AGTPBP1: variants seen among roughly 807,000 people sequenced by gnomAD.
AGTPBP1 encodes the protein ATP/GTP binding carboxypeptidase 1, also known as cytosolic carboxypeptidase 1.
AGTPBP1 carries 70 observed loss-of-function variants against 143.9 expected under a neutral mutation model. The observed-to-expected ratio is 0.49, with a 90% CI of 0.40 to 0.59. The LOEUF (loss-of-function observed/expected upper bound fraction) is 0.59. AGTPBP1 is among the 20% of genes least tolerant of loss of function. The pLI is 0.00. For missense variants in AGTPBP1, 1,229 were observed against 1,464.5 expected (o/e 0.84, Z 2.62); for synonymous variants, 463 against 500.2 (o/e 0.93, Z 0.99).
At chr9:85,641,104 C>T (rs552455528) in intron 13 of AGTPBP1, among the ~76,000 whole-genome samples, 13 of 152,200 alleles carry the variant, frequency 8.5e-5, no homozygotes, top group African/African-American at 3.1e-4. Context: ...CATCTGCTAC[C>T]AGATCAAAAA....
intron 11 of AGTPBP1, among the ~76,000 whole-genome samples, chr9:85,651,226 A>G (rs565584816): frequency 6.6e-6 from 1 of 152,240 alleles, no homozygotes; most frequent in South Asian, 2.1e-4. Context: ...CTATAATTTT[A>G]TATCAATTTT....
the AGTPBP1 span, among the ~76,000 whole-genome samples, chr9:85,758,932 C>T: frequency 1.3e-5 from 2 of 151,944 alleles, no homozygotes; most frequent in African/African-American, 4.8e-5. Flanking sequence ...GAAGATATAC[C>T]AAGCAAATGG....
At chr9:85,735,351 G>T (rs1167148107) in intron 1 of AGTPBP1, among the ~76,000 whole-genome samples, 7 of 152,146 alleles carry the variant, frequency 4.6e-5, no homozygotes. Context: ...ACAGAAAATA[G>T]AACAGTGCCT....
intron 3 of AGTPBP1, among the ~76,000 whole-genome samples, chr9:85,686,452 CCTAT>C (rs1431042083): frequency 6.6e-6 from 1 of 151,976 alleles, no homozygotes; most frequent in Non-Finnish European, 1.5e-5. Context: ...CTCTTATAGC[CCTAT>C]CTAAATGTGC....
At chr9:85,799,122 G>T in the AGTPBP1 span, among the ~76,000 whole-genome samples, 1 of 152,062 alleles carries the variant, frequency 6.6e-6, no homozygotes. Context: ...GAGAATGATG[G>T]TTTCCAGCTT....
At chr9:85,752,082 CA>C in the AGTPBP1 span, among the ~76,000 whole-genome samples, 1 of 151,742 alleles carries the variant, frequency 6.6e-6, no homozygotes, top group Non-Finnish European at 1.5e-5. Flanking sequence ...ATAAAAAATA[CA>C]AAAATTAGCC....
intron 13 of AGTPBP1, among the ~76,000 whole-genome samples, chr9:85,634,747 A>G (rs541237972): frequency 6.6e-6 from 1 of 152,302 alleles, no homozygotes; most frequent in Admixed American, 6.5e-5. Context: ...CTTTTTGCAA[A>G]GAGTTTTTGC....
At position 85,669,666 on chromosome 9, in the gene AGTPBP1, T is replaced by C. The variant is rs183225466; in HGVS notation, c.569-88A>G. The C allele has an allele frequency of 1.7e-5, 13 of 762,182 alleles. 1 individual carries two copies. The highest frequency in any genetic ancestry group is 1.1e-4 in the Admixed American group (5 of 46,536). The allele number at this position is 762,182 out of a possible 1,614,324, so 47.2% of individuals were successfully genotyped here. A position where few individuals can be genotyped will look rare whatever the true frequency, so the allele number is the denominator to read the frequency against. ...TTAGTGATACATAGGCAAAAACATATACAAATTGTTTAGTAAATGTCAACT... is the reference window on the plus strand; with the variant it reads ...TTAGTGATACATAGGCAAAAACATACACAAATTGTTTAGTAAATGTCAACT... On this transcript the variant is annotated intron_variant, in intron 7 of 25. Coordinates refer to ENST00000357081, the MANE Select transcript of AGTPBP1 (RefSeq NM_001330701.2).
chr9:85,757,596 G>A, the AGTPBP1 span, among the ~76,000 whole-genome samples: 4 of 152,168 alleles, frequency 2.6e-5, no homozygotes, highest in Admixed American at 6.6e-5. Context: ...TGAGAGCCAG[G>A]CCAAGATCCT....
intron 14 of AGTPBP1, among the ~76,000 whole-genome samples, chr9:85,622,207 A>G (rs1294716945): frequency 6.6e-6 from 1 of 152,242 alleles, no homozygotes; most frequent in Non-Finnish European, 1.5e-5. Flanking sequence ...AAAGATAAGT[A>G]ATGCAGATTA....
the AGTPBP1 span, among the ~76,000 whole-genome samples, chr9:85,752,179 A>G: frequency 6.6e-6 from 1 of 152,062 alleles, no homozygotes; most frequent in Admixed American, 6.5e-5. Flanking sequence ...CGGAGGTTGC[A>G]GTGAGCTGAG....
intron 3 of AGTPBP1, among the ~76,000 whole-genome samples, chr9:85,686,751 G>A (rs1267813389): frequency 6.6e-6 from 1 of 152,106 alleles, no homozygotes; most frequent in African/African-American, 2.4e-5. Flanking sequence ...TAAGTACACT[G>A]TAAAAAGATG....
intron 1 of AGTPBP1, among the ~76,000 whole-genome samples, chr9:85,721,435 T>C (rs1838106519): frequency 6.6e-6 from 1 of 152,190 alleles, no homozygotes; most frequent in Non-Finnish European, 1.5e-5. Flanking sequence ...TTGGTCTCTT[T>C]TGATCTTTGT....
At chr9:85,598,396 C>T (rs17428350) in intron 17 of AGTPBP1, among the ~76,000 whole-genome samples, 8,532 of 152,238 alleles carry the variant, frequency 0.056, 311 homozygotes, top group Non-Finnish European at 0.081. Flanking sequence ...ATCTCCATCT[C>T]GGGTTTCAAA....
intron 9 of AGTPBP1, 116 bp downstream of exon 9, chr9:85,660,820 A>T: frequency 1.3e-6 from 1 of 774,810 alleles, no homozygotes; most frequent in Non-Finnish European, 2.0e-6. Flanking sequence ...TGACATTAGA[A>T]TATTATAAAC....
intron 17 of AGTPBP1, among the ~76,000 whole-genome samples, chr9:85,610,472 C>T (rs566787683): frequency 1.3e-4 from 19 of 151,998 alleles, no homozygotes; most frequent in Non-Finnish European, 2.2e-4. Context: ...TTGTGAAAAC[C>T]ACTAAGTATT....
intron 11 of AGTPBP1, among the ~76,000 whole-genome samples, chr9:85,651,327 A>G (rs1833150068): frequency 6.6e-6 from 1 of 152,212 alleles, no homozygotes; most frequent in Non-Finnish European, 1.5e-5. Flanking sequence ...TGTTACCTTT[A>G]CATTTGGCGA....
intron 24 of AGTPBP1, among the ~76,000 whole-genome samples, chr9:85,578,213 A>T (rs1828016249): frequency 6.6e-6 from 1 of 152,252 alleles, no homozygotes; most frequent in African/African-American, 2.4e-5. Flanking sequence ...ATTTAATTTC[A>T]AAAGTAAAGT....
intron 23 of AGTPBP1, among the ~76,000 whole-genome samples, chr9:85,583,894 C>A (rs1433570310): frequency 6.6e-6 from 1 of 151,970 alleles, no homozygotes; most frequent in Non-Finnish European, 1.5e-5. Flanking sequence ...GAAAACCTCA[C>A]AATTATAATT....
Sources: allele counts gnomAD v4.1 joint callset (sites outside exome capture counted in the v4.1 genomes callset), GRCh38; gene constraint gnomAD v4.1.1; transcripts MANE v1.5; gene names NCBI Gene and HGNC (gene_info 2026-07-23, HGNC 2026-07-21).